The following GNG2 variants were observed in gnomAD, a reference collection of about 807,000 sequenced individuals.
The protein encoded by GNG2 is G protein subunit gamma 2, also known as guanine nucleotide-binding protein G(I)/G(S)/G(O) subunit gamma-2.
In GNG2, 5 loss-of-function variants were observed where a neutral mutation model predicts 5.5. That is an observed-to-expected ratio of 0.91 (90% CI 0.48 to 1.92). The LOEUF (loss-of-function observed/expected upper bound fraction) is 1.92, where lower values mean the gene tolerates loss of function less well. Among genes scored for constraint, GNG2 ranks in the 30% most tolerant of loss-of-function variants. The pLI, the probability that GNG2 is intolerant of heterozygous loss-of-function variation, is 0.01. For synonymous variants in GNG2, 28 were observed against 32.0 expected, an observed-to-expected ratio of 0.88 and a Z score of 0.42; for missense variants, 55 against 88.4, an observed-to-expected ratio of 0.62 and a Z score of 1.52.
At position 51,880,967 on chromosome 14, in the gene GNG2, G is replaced by GAAAA. The variant is rs11463019; in HGVS notation, c.-30+3328_-30+3331dup. Reference sequence around the variant, plus strand: ...ACCAGCTTAAAAAGACAAAAAAAAAGAAAAAAAAAAAAAAAAAAAAACCCT... The same window carrying GAAAA: ...ACCAGCTTAAAAAGACAAAAAAAAAGAAAAAAAAAAAAAAAAAAAAAAAAACCCT... On this transcript the variant is annotated intron_variant, in intron 2 of 3. Coordinates refer to ENST00000556766, the MANE Select transcript of GNG2 (RefSeq NM_053064.5). Among the ~76,000 whole-genome samples the GAAAA allele has an allele frequency of 6.4e-3, 652 of 101,960 alleles. 5 individuals are homozygous for GAAAA. Among genetic ancestry groups the GAAAA allele is most frequent in the Middle Eastern group, 0.018 (3 of 168 alleles). The allele number at this position is 101,960 out of a possible 152,430, so 66.9% of individuals were successfully genotyped here.
chr14:51,952,336 C>A (rs1355044224), intron 3 of GNG2, among the ~76,000 whole-genome samples: 1 of 152,204 alleles, frequency 6.6e-6, no homozygotes, highest in African/African-American at 2.4e-5. Context: ...CTAAAGCGAC[C>A]TTACCGTGCT....
At chr14:51,873,554 G>T (rs551427188) in intron 1 of GNG2, among the ~76,000 whole-genome samples, 1 of 152,358 alleles carries the variant, frequency 6.6e-6, no homozygotes, top group East Asian at 1.9e-4. Context: ...ATATAGGTTA[G>T]CCATATTAGT....
At chr14:51,923,174 C>A (rs569622934) in intron 2 of GNG2, among the ~76,000 whole-genome samples, 1 of 152,106 alleles carries the variant, frequency 6.6e-6, no homozygotes, top group African/African-American at 2.4e-5. Flanking sequence ...TGTGGACTGG[C>A]GAATTGCTGC....
chr14:51,898,276 T>C (rs777778035), intron 2 of GNG2, among the ~76,000 whole-genome samples: 2 of 152,224 alleles, frequency 1.3e-5, no homozygotes, highest in African/African-American at 2.4e-5. Flanking sequence ...TTTCCTTTCT[T>C]AGTGGTTCTT....
At chr14:51,928,135 A>G (rs1368435186) in intron 2 of GNG2, among the ~76,000 whole-genome samples, 1 of 149,364 alleles carries the variant, frequency 6.7e-6, no homozygotes, top group Non-Finnish European at 1.5e-5. Context: ...GAATCAAGCA[A>G]TTCTCCTGCC....
chr14:51,857,991 G>A (rs1882239913), upstream of GNG2, among the ~76,000 whole-genome samples: 2 of 152,194 alleles, frequency 1.3e-5, no homozygotes, highest in South Asian at 4.1e-4. Context: ...ACCAGTAGAT[G>A]TAAGAAATAC....
At chr14:51,845,149 T>C (rs1360242135) in intron 2 of GNG2, among the ~76,000 whole-genome samples, 6 of 152,252 alleles carry the variant, frequency 3.9e-5, no homozygotes, top group Non-Finnish European at 7.3e-5. Context: ...TGTTTCTCTA[T>C]GGGCTAAATT....
At chr14:51,827,561 T>C (rs1881061707) in intron 1 of GNG2, 5 of 599,128 alleles carry the variant, frequency 8.3e-6, no homozygotes, top group Admixed American at 2.9e-5. Flanking sequence ...TTTGATGTCA[T>C]ACAGTTCCAG....
chr14:51,849,903 G>T (rs1483061491), intron 2 of GNG2, among the ~76,000 whole-genome samples: 1 of 144,550 alleles, frequency 6.9e-6, no homozygotes, highest in Non-Finnish European at 1.5e-5. Context: ...TCTATCTTTT[G>T]GGCTCAGGTG....
intron 3 of GNG2, among the ~76,000 whole-genome samples, chr14:51,954,759 A>G (rs891408657): frequency 6.6e-6 from 1 of 152,186 alleles, no homozygotes; most frequent in Non-Finnish European, 1.5e-5. Flanking sequence ...AGGTCCATAT[A>G]GCAGGCACAA....
At chr14:51,846,580 T>A (rs2790499) in intron 2 of GNG2, among the ~76,000 whole-genome samples, 107,650 of 152,136 alleles carry the variant, frequency 0.71, 40,539 homozygotes, top group East Asian at 0.97. Flanking sequence ...TGCGACCTGT[T>A]TTTTGCTTTG....
chr14:51,951,918 G>T (rs3825602), intron 3 of GNG2: 18,355 of 699,774 alleles, frequency 0.026, 862 homozygotes, highest in East Asian at 0.11. Context: ...TACAGCGATG[G>T]TTCTCAGCTC....
At chr14:51,900,859 C>T (rs1885503649) in intron 2 of GNG2, among the ~76,000 whole-genome samples, 1 of 152,004 alleles carries the variant, frequency 6.6e-6, no homozygotes, top group South Asian at 2.1e-4. Context: ...ATGTATCCAT[C>T]CTTTATATGC....
chr14:51,928,132 G>A (rs1887443147), intron 2 of GNG2, among the ~76,000 whole-genome samples: 1 of 145,782 alleles, frequency 6.9e-6, no homozygotes, highest in Admixed American at 7.1e-5. Context: ...CTGGAATCAA[G>A]CAATTCTCCT....
chr14:51,877,459 TG>T, intron 1 of GNG2, 157 bp from the exon 2 acceptor site: 1 of 254,576 alleles, frequency 3.9e-6, no homozygotes, highest in Non-Finnish European at 8.1e-6. Flanking sequence ...TTCTAGGCTC[TG>T]AAATGTAAAC....
intron 2 of GNG2, among the ~76,000 whole-genome samples, chr14:51,848,877 C>T (rs186202326): frequency 6.6e-6 from 1 of 152,242 alleles, no homozygotes; most frequent in Admixed American, 6.5e-5. Context: ...ACACACTGAC[C>T]TCACTTTCTA....
intron 2 of GNG2, among the ~76,000 whole-genome samples, chr14:51,891,544 C>CT (rs1371803767): frequency 6.6e-6 from 1 of 152,178 alleles, no homozygotes; most frequent in Non-Finnish European, 1.5e-5. Flanking sequence ...CTCCTGTATG[C>CT]TTCTCTCCAA....
intron 2 of GNG2, among the ~76,000 whole-genome samples, chr14:51,929,855 TAAATG>T (rs1887550974): frequency 6.6e-6 from 1 of 152,200 alleles, no homozygotes; most frequent in African/African-American, 2.4e-5. Flanking sequence ...GTTAGACAGA[TAAATG>T]AAAATGTTTA....
chr14:51,832,173 A>G (rs12323733), intron 2 of GNG2, among the ~76,000 whole-genome samples: 75,497 of 151,600 alleles, frequency 0.5, 19,402 homozygotes, highest in Middle Eastern at 0.57. Context: ...TCAGCTACTC[A>G]GGGAGCTGTA....
Sources: allele counts gnomAD v4.1 joint callset (sites outside exome capture counted in the v4.1 genomes callset), GRCh38; gene constraint gnomAD v4.1.1; transcripts MANE v1.5; gene names NCBI Gene and HGNC (gene_info 2026-07-23, HGNC 2026-07-21).